CLIC5: variants seen among roughly 807,000 people sequenced by gnomAD.
CLIC5 encodes CLIC family member 5.
In CLIC5, 20 loss-of-function variants were observed where a neutral mutation model predicts 24.7. The ratio of observed to expected loss-of-function variants is 0.81; its 90% CI spans 0.57 to 1.18. The LOEUF (loss-of-function observed/expected upper bound fraction) is 1.18. Ranked by LOEUF, CLIC5 falls within the 50% of genes most tolerant of loss-of-function variation. CLIC5 has a pLI of 0.00. For missense variants in CLIC5, 341 were observed against 326.1 expected, an observed-to-expected ratio of 1.05 and a Z score of -0.35; for synonymous variants, 159 against 135.6, an observed-to-expected ratio of 1.17 and a Z score of -1.20.
chr6:45,886,599 A>T (rs1170709838), intron 6 of CLIC5, among the ~76,000 whole-genome samples: 1 of 152,210 alleles, frequency 6.6e-6, no homozygotes, highest in East Asian at 1.9e-4. Flanking sequence ...AAGTGCCCCA[A>T]TGCCAAATCC....
rs76166664 is a variant in CLIC5, at chr6:46,052,821, C to T, written c.540+26882G>A. 2.3e-4 allele frequency among the ~76,000 whole-genome samples: 35 copies of T among 152,076 alleles called. No homozygotes were observed. The East Asian group carries it at 5.8e-3, about 25-fold the overall frequency. On this transcript the variant is annotated intron_variant, in intron 1 of 5. Coordinates refer to the CLIC5 transcript ENST00000185206. Reference sequence around the variant, plus strand: ...TGGGGAGAGCTTGTGCTTCCAGTCTCGGTGTGGAGGTGCCAGGGTAAAGAC... The same window carrying T: ...TGGGGAGAGCTTGTGCTTCCAGTCTTGGTGTGGAGGTGCCAGGGTAAAGAC...
chr6:46,083,744 A>T (rs1762972390), upstream of CLIC5, among the ~76,000 whole-genome samples: 1 of 152,044 alleles, frequency 6.6e-6, no homozygotes, highest in African/African-American at 2.4e-5. Context: ...AAAAAAATGT[A>T]TATTCTGTTG....
At chr6:45,992,098 C>A (rs1443323184) in intron 1 of CLIC5, among the ~76,000 whole-genome samples, 4 of 152,188 alleles carry the variant, frequency 2.6e-5, no homozygotes, top group African/African-American at 9.7e-5. Context: ...GGCTGTGAGG[C>A]AAGCCCCTTC....
chr6:45,932,631 G>A (rs1054066241), intron 4 of CLIC5: 2 of 152,332 alleles, frequency 1.3e-5, no homozygotes, highest in African/African-American at 4.8e-5. Context: ...CAAGATGGGA[G>A]GACAGGGATG....
At chr6:45,992,675 G>A (rs1436255622) in intron 1 of CLIC5, among the ~76,000 whole-genome samples, 1 of 152,124 alleles carries the variant, frequency 6.6e-6, no homozygotes, top group East Asian at 1.9e-4. Context: ...CTGTATCAGT[G>A]TTTCTCCACC....
At chr6:45,945,864 C>A (rs922831933) in intron 3 of CLIC5, among the ~76,000 whole-genome samples, 2 of 152,146 alleles carry the variant, frequency 1.3e-5, no homozygotes, top group African/African-American at 2.4e-5. Flanking sequence ...TGTTCTGAAC[C>A]CTGTTGATAC....
chr6:46,084,333 T>G (rs997218225), upstream of CLIC5, among the ~76,000 whole-genome samples: 5 of 152,312 alleles, frequency 3.3e-5, no homozygotes, highest in South Asian at 2.1e-4. Flanking sequence ...GTTAGCTGGT[T>G]ATTTTGCTCG....
At chr6:46,108,985 G>T in the CLIC5 span, among the ~76,000 whole-genome samples, 1 of 152,070 alleles carries the variant, frequency 6.6e-6, no homozygotes, top group South Asian at 2.1e-4. Flanking sequence ...ATAAGAAATG[G>T]TGTTTAACTT....
At chr6:45,910,863 G>A (rs1226755260) in intron 5 of CLIC5, among the ~76,000 whole-genome samples, 1 of 152,218 alleles carries the variant, frequency 6.6e-6, no homozygotes, top group Non-Finnish European at 1.5e-5. Context: ...GGAGGGAGAA[G>A]CCCATGCTTT....
chr6:46,116,821 G>T, the CLIC5 span, among the ~76,000 whole-genome samples: 5 of 152,184 alleles, frequency 3.3e-5, no homozygotes, highest in African/African-American at 1.2e-4. Flanking sequence ...GATGGCATCA[G>T]AAGAGAAGGG....
chr6:46,052,241 G>A (rs959369067), intron 1 of CLIC5, among the ~76,000 whole-genome samples: 62 of 152,240 alleles, frequency 4.1e-4, no homozygotes, highest in Admixed American at 2.1e-3. Flanking sequence ...GTGCTGAAAA[G>A]CCTTGCAGTA....
At chr6:45,936,378 T>A (rs1386859829) in intron 4 of CLIC5, among the ~76,000 whole-genome samples, 1 of 151,950 alleles carries the variant, frequency 6.6e-6, no homozygotes. Context: ...CTAATTTTTG[T>A]ATTTTTAGTA....
In CLIC5 at chr6:46,015,574, C is replaced by T. The variant is rs1167109475; in HGVS notation, c.-32G>A. On this transcript the variant is annotated 5_prime_UTR_variant, in exon 1 of 6. Coordinates refer to ENST00000339561, the MANE Select transcript of CLIC5 (RefSeq NM_016929.5). ...GGCGCCCGGGGCTACCGTCCCGGGC[C>T]GGGGAGGCGCCACCTCTGCAGCACC... is the stretch of plus-strand genomic sequence containing the variant. The T allele has an allele frequency of 1.9e-6, 3 of 1,541,442 alleles. No individual in the cohort carries two copies. The Admixed American group carries it at 5.9e-5, about 30-fold the overall frequency.
At chr6:46,089,580 G>T in the CLIC5 span, among the ~76,000 whole-genome samples, 1 of 151,962 alleles carries the variant, frequency 6.6e-6, no homozygotes, top group Non-Finnish European at 1.5e-5. Context: ...ATTTGCTATC[G>T]GGTGACACAA....
At chr6:46,012,558 T>C (rs1406047980) in intron 1 of CLIC5, among the ~76,000 whole-genome samples, 1 of 152,224 alleles carries the variant, frequency 6.6e-6, no homozygotes. Flanking sequence ...TAAATAAATG[T>C]CACCATGATG....
the CLIC5 span, among the ~76,000 whole-genome samples, chr6:46,100,295 A>G: frequency 6.6e-6 from 1 of 152,168 alleles, no homozygotes; most frequent in African/African-American, 2.4e-5. Flanking sequence ...ACAAAAACAA[A>G]CTAAAACTCT....
At chr6:45,955,718 C>T (rs1764620561) in intron 1 of CLIC5, among the ~76,000 whole-genome samples, 1 of 151,992 alleles carries the variant, frequency 6.6e-6, no homozygotes, top group East Asian at 1.9e-4. Flanking sequence ...AAAATATGTT[C>T]CTCTGTAGTT....
the CLIC5 span, among the ~76,000 whole-genome samples, chr6:46,123,771 C>T: frequency 6.6e-6 from 1 of 152,144 alleles, no homozygotes; most frequent in Non-Finnish European, 1.5e-5. Context: ...AAATCACAAG[C>T]ATTTTATACA....
chr6:46,029,548 C>G (rs1012633990), intron 1 of CLIC5, among the ~76,000 whole-genome samples: 1 of 152,152 alleles, frequency 6.6e-6, no homozygotes, highest in Non-Finnish European at 1.5e-5. Context: ...GTTGTCTCTC[C>G]TAAAACCTGG....
Sources: gnomAD v4.1 joint callset for allele counts (sites outside exome capture counted in the v4.1 genomes callset) on GRCh38, gnomAD v4.1.1 for gene constraint, MANE v1.5 for transcripts, NCBI Gene and HGNC (gene_info 2026-07-23, HGNC 2026-07-21) for gene names.